The following TRIM66 variants were observed in gnomAD, a reference collection of about 807,000 sequenced individuals.
TRIM66 encodes the protein tripartite motif containing 66.
TRIM66 carries 99 observed loss-of-function variants against 148.2 expected under a neutral mutation model. That is an observed-to-expected ratio of 0.67 (90% CI 0.57 to 0.79). The LOEUF is 0.79. Ranked by LOEUF, TRIM66 falls within the 30% of genes least tolerant of loss-of-function variation. The pLI is 0.00. For missense variants in TRIM66, 1,666 were observed against 1,697.9 expected, an observed-to-expected ratio of 0.98 and a Z score of 0.33; for synonymous variants, 616 against 635.9, an observed-to-expected ratio of 0.97 and a Z score of 0.47.
chr11:8,640,491 A>G lies in TRIM66; in HGVS notation c.1884T>C (p.Pro628=), dbSNP rs1474123586. The G allele has an allele frequency of 1.5e-5, 20 of 1,324,952 alleles. No individual in the cohort carries two copies. The highest frequency in any genetic ancestry group is 2.5e-5 in the Admixed American group (1 of 40,338). The allele number at this position is 1,324,952 out of a possible 1,614,324, so 82.1% of individuals were successfully genotyped here. Residue 628 remains proline (P), a synonymous_variant, in exon 14 of 25, where the codon CCT becomes CCC. Coordinates refer to ENST00000646038, the MANE Select transcript of TRIM66 (RefSeq NM_001388022.1). ...PPPQQPHPPL[P]PSQHLASSQH... is the part of the protein sequence containing the mutation. ...GACTAGAAGCCAGATGCTGGGATGG[A>G]GGAAGAGGTGGGTGTGGCTGCTGTG...
chr11:8,629,974 G>T (rs571293003), intron 15 of TRIM66, among the ~76,000 whole-genome samples: 2 of 152,290 alleles, frequency 1.3e-5, no homozygotes, highest in East Asian at 3.9e-4. Context: ...ACCTATATAT[G>T]CTATGTGTTA....
At chr11:8,652,748 G>A (rs2037467805) in intron 6 of TRIM66, among the ~76,000 whole-genome samples, 1 of 152,206 alleles carries the variant, frequency 6.6e-6, no homozygotes, top group East Asian at 1.9e-4. Flanking sequence ...TGTGTCCAGG[G>A]ATGAGGGTGA....
chr11:8,627,284 T>C (rs1283100053), intron 15 of TRIM66, among the ~76,000 whole-genome samples: 1 of 152,226 alleles, frequency 6.6e-6, no homozygotes, highest in Non-Finnish European at 1.5e-5. Context: ...TACAGGACTG[T>C]TTATTCTACA....
chr11:8,624,303 G>A (rs998322680), intron 17 of TRIM66, 56 bp downstream of exon 17: 1 of 1,524,714 alleles, frequency 6.6e-7, no homozygotes, highest in East Asian at 2.5e-5. Context: ...TAGAAGTGCT[G>A]AGTCCATCTG....
chr11:8,667,479 T>C (rs1275409881), intron 6 of TRIM66, among the ~76,000 whole-genome samples: 1 of 152,188 alleles, frequency 6.6e-6, no homozygotes, highest in Non-Finnish European at 1.5e-5. Flanking sequence ...GTATCCAGAA[T>C]GTGTAAGGAA....
chr11:8,634,428 C>G (rs2035694723), intron 15 of TRIM66, among the ~76,000 whole-genome samples: 1 of 152,204 alleles, frequency 6.6e-6, no homozygotes, highest in Non-Finnish European at 1.5e-5. Flanking sequence ...CTTAGCCTCC[C>G]AAAGTGCTGG....
chr11:8,636,845 T>C (rs2035923006), intron 15 of TRIM66, among the ~76,000 whole-genome samples: 1 of 152,080 alleles, frequency 6.6e-6, no homozygotes, highest in African/African-American at 2.4e-5. Context: ...TGAATCCCAG[T>C]TCCAAAGCAT....
At position 8,638,762 on chromosome 11, in the gene TRIM66, G is replaced by T. The variant is rs989099875; in HGVS notation, c.2202C>A (p.Asp734Glu). 3 of 1,551,344 alleles carry T rather than the reference G, an allele frequency of 1.9e-6. No individual in the cohort carries two copies. Among genetic ancestry groups the T allele is most frequent in the Non-Finnish European group, 1.7e-6 (2 of 1,146,832 alleles). Residue 734 changes from aspartate to glutamate, a missense_variant, in exon 15 of 25, where the codon GAC (aspartate) becomes GAA (glutamate). This residue lies in a region of TRIM66 where 1,431 missense variants were observed against 1,412.4 expected (regional missense o/e 1.01). Transcript: ENST00000646038. ...GGGGCAAGGCAGCAGCAGTATTCTT[G>T]TCAAGAGGGAGAGCCGGCTTTGAGC... is the stretch of plus-strand genomic sequence containing the variant. The part of the protein sequence containing the change: ...SQGSKPALPL[D>E]KNTAAALPQA...
intron 12 of TRIM66, chr11:8,644,430 C>T (rs2036670752): frequency 2.2e-6 from 1 of 454,224 alleles, no homozygotes; most frequent in South Asian, 1.6e-5. Flanking sequence ...TTATCACCTC[C>T]TATTTCACAG....
At chr11:8,625,463 T>TTTTGTGTGTGTGTGTGTG (rs1174364345) in intron 15 of TRIM66, among the ~76,000 whole-genome samples, 10 of 148,140 alleles carry the variant, frequency 6.8e-5, no homozygotes, top group African/African-American at 2.0e-4. Context: ...CGGAGAACTA[T>TTTTGTGTGTGTGTGTGTG]TGTGTGTGTG....
intron 15 of TRIM66, among the ~76,000 whole-genome samples, chr11:8,633,965 C>T (rs993705893): frequency 1.3e-5 from 2 of 152,140 alleles, no homozygotes; most frequent in African/African-American, 4.8e-5. Flanking sequence ...TAATAATCTG[C>T]ATCACAGGAA....
In TRIM66 at chr11:8,641,119, C is replaced by G; in HGVS notation, c.1256G>C (p.Arg419Thr). Residue 419 changes from arginine to threonine, a missense_variant, in exon 14 of 25, where the codon AGG becomes ACG. Arg to Thr is a moderately conservative substitution (Grantham distance 71). Coordinates refer to ENST00000646038, the MANE Select transcript of TRIM66 (RefSeq NM_001388022.1). Reference sequence around the variant, plus strand: ...GCCTCCATAAGCAGGAGCATCTGCCCTGGACATTTGTCCACCTTCAGTAGT... The same window carrying G: ...GCCTCCATAAGCAGGAGCATCTGCCGTGGACATTTGTCCACCTTCAGTAGT... Reference protein sequence around the residue: ...CITTEGGQMSRADAPAYGGLQ... With the variant: ...CITTEGGQMSTADAPAYGGLQ... 1 of 1,551,522 alleles carries G rather than the reference C, an allele frequency of 6.4e-7. No homozygotes were observed. Among genetic ancestry groups the G allele is most frequent in the Non-Finnish European group, 8.7e-7 (1 of 1,146,828 alleles).
intron 15 of TRIM66, among the ~76,000 whole-genome samples, chr11:8,635,849 T>C (rs558048353): frequency 2.6e-5 from 4 of 152,292 alleles, no homozygotes; most frequent in Admixed American, 2.0e-4. Context: ...TCCATGCATG[T>C]ATGTCGCTCA....
intron 21 of TRIM66, 52 bp from the exon 22 acceptor site, chr11:8,620,176 T>C: frequency 6.6e-7 from 1 of 1,505,078 alleles, no homozygotes; most frequent in Non-Finnish European, 9.0e-7. Context: ...CTCACCTCAG[T>C]ATGAACTAAA....
At chr11:8,650,105 G>T (rs576504807) in intron 7 of TRIM66, among the ~76,000 whole-genome samples, 4 of 152,264 alleles carry the variant, frequency 2.6e-5, no homozygotes, top group African/African-American at 9.6e-5. Context: ...AGGTATGGTG[G>T]CTCACACCTG....
At chr11:8,631,466 C>G (rs937336446) in intron 15 of TRIM66, among the ~76,000 whole-genome samples, 4 of 152,200 alleles carry the variant, frequency 2.6e-5, no homozygotes, top group Non-Finnish European at 5.9e-5. Flanking sequence ...ACTTTACACA[C>G]TCTTCTGTCT....
intron 24 of TRIM66, among the ~76,000 whole-genome samples, chr11:8,618,281 C>G (rs1424995556): frequency 6.6e-6 from 1 of 152,204 alleles, no homozygotes; most frequent in African/African-American, 2.4e-5. Context: ...CAGGTGGGAC[C>G]AGCCCAAAGA....
intron 10 of TRIM66, 119 bp from the exon 11 acceptor site, chr11:8,646,680 C>T: frequency 1.4e-6 from 1 of 692,772 alleles, no homozygotes; most frequent in Non-Finnish European, 2.5e-6. Context: ...GCCTAGCAGA[C>T]ACCAAATACA....
Position 8,648,447 on chromosome 11 carries a change from T to C in TRIM66, c.694A>G (p.Ser232Gly), listed in dbSNP as rs1449162465. 1.3e-6 allele frequency: 2 copies of C among 1,551,700 alleles called. No individual in the cohort carries two copies. Among genetic ancestry groups the C allele is most frequent in the African/African-American group, 1.4e-5 (1 of 73,170 alleles). Reference protein sequence around the residue: ...CETCDMLTCHSCLVVEHKEHR... With the variant: ...CETCDMLTCHGCLVVEHKEHR... ...TCTTTGTGTTCCACCACTAGGCAGC[T>C]ATGGCAAGTGAGCATATCACATGTC... is the stretch of plus-strand genomic sequence containing the variant. Residue 232 changes from serine (S) to glycine (G), a missense_variant, in exon 9 of 25, where the codon AGC (serine) becomes GGC (glycine). Around this residue, in one of 3 missense-constraint regions of TRIM66, gnomAD observed 1,431 missense variants for 1,412.4 expected, o/e 1.01. Coordinates refer to ENST00000646038, the MANE Select transcript of TRIM66 (RefSeq NM_001388022.1).
Sources: allele counts gnomAD v4.1 joint callset (sites outside exome capture counted in the v4.1 genomes callset), GRCh38; gene constraint gnomAD v4.1.1; regional missense constraint gnomAD v4.1.1; transcripts MANE v1.5; gene names NCBI Gene and HGNC (gene_info 2026-07-23, HGNC 2026-07-21).